DCAF1: variants seen among roughly 807,000 people sequenced by gnomAD.
The protein encoded by DCAF1 is DDB1 and CUL4 associated factor 1.
A neutral mutation model predicts 128.0 loss-of-function variants in DCAF1; 15 were observed. That is an observed-to-expected ratio of 0.12 (90% CI 0.08 to 0.18). The LOEUF (loss-of-function observed/expected upper bound fraction) is 0.18, where lower values mean the gene tolerates loss of function less well. Among genes scored for constraint, DCAF1 ranks in the 10% least tolerant of loss-of-function variants. The pLI is 1.00. For synonymous variants in DCAF1, 610 were observed against 603.0 expected (o/e 1.01, Z -0.17); for missense variants, 988 against 1,649.5 (o/e 0.60, Z 6.95).
At chr3:51,472,387 T>C (rs1183608377) in intron 3 of DCAF1, among the ~76,000 whole-genome samples, 1 of 152,160 alleles carries the variant, frequency 6.6e-6, no homozygotes, top group African/African-American at 2.4e-5. Context: ...TTGTTTTTTT[T>C]CTTGTAGAGA....
chr3:51,404,863 G>C (rs1249253372), intron 23 of DCAF1, among the ~76,000 whole-genome samples: 1 of 152,108 alleles, frequency 6.6e-6, no homozygotes, highest in Non-Finnish European at 1.5e-5. Flanking sequence ...GCATTCACCC[G>C]CCTCAAAGGA....
At chr3:51,441,228 A>C (rs1055085030) in intron 8 of DCAF1, among the ~76,000 whole-genome samples, 157 bp from the exon 9 acceptor site, 1 of 152,204 alleles carries the variant, frequency 6.6e-6, no homozygotes, top group African/African-American at 2.4e-5. Flanking sequence ...AATAGACCAT[A>C]TCAGGAATGA....
At chr3:51,431,890 G>C (rs1700418299) in intron 10 of DCAF1, among the ~76,000 whole-genome samples, 1 of 151,926 alleles carries the variant, frequency 6.6e-6, no homozygotes, top group African/African-American at 2.4e-5. Context: ...AGGATGGCTT[G>C]AGCCCAGGAG....
chr3:51,500,737 G>A (rs1376782944), upstream of DCAF1, among the ~76,000 whole-genome samples: 1 of 151,340 alleles, frequency 6.6e-6, no homozygotes, highest in Non-Finnish European at 1.5e-5. Context: ...GTTTGGTAGA[G>A]ACATGGTTTT....
At chr3:51,475,597 T>C (rs556719499) in intron 3 of DCAF1, among the ~76,000 whole-genome samples, 226 of 151,402 alleles carry the variant, frequency 1.5e-3, no homozygotes, top group South Asian at 2.3e-3. Context: ...CGTGGTGGCT[T>C]ACGCCCGTAA....
chr3:51,448,296 G>A (rs1553640756), intron 6 of DCAF1, among the ~76,000 whole-genome samples: 2 of 152,012 alleles, frequency 1.3e-5, no homozygotes, highest in African/African-American at 4.8e-5. Context: ...AACTTCTTTT[G>A]TACTTTTCAT....
intron 24 of DCAF1, among the ~76,000 whole-genome samples, chr3:51,401,057 G>C (rs183841812): frequency 6.6e-6 from 1 of 150,716 alleles, no homozygotes; most frequent in Non-Finnish European, 1.5e-5. Flanking sequence ...GCATGAACCC[G>C]GGAGGCGGAG....
At chr3:51,486,780 C>A (rs1707006646) in intron 2 of DCAF1, among the ~76,000 whole-genome samples, 1 of 151,368 alleles carries the variant, frequency 6.6e-6, no homozygotes, top group Admixed American at 6.6e-5. Context: ...ACTACAGATA[C>A]ACGCCAGCAT....
intron 24 of DCAF1, among the ~76,000 whole-genome samples, chr3:51,399,787 C>A (rs17051783): frequency 0.074 from 11,273 of 152,148 alleles, 984 homozygotes; most frequent in East Asian, 0.33. Flanking sequence ...AACCATTTTA[C>A]CTAGGTCCCC....
At chr3:51,407,529 G>A (rs558422200) in intron 23 of DCAF1, among the ~76,000 whole-genome samples, 1 of 152,286 alleles carries the variant, frequency 6.6e-6, no homozygotes, top group Admixed American at 6.5e-5. Context: ...GGAAAACAGA[G>A]AGCATTATTC....
chr3:51,467,996 C>A (rs1450569129), intron 4 of DCAF1, among the ~76,000 whole-genome samples: 12 of 152,260 alleles, frequency 7.9e-5, no homozygotes, highest in African/African-American at 2.9e-4. Context: ...TAAGGACACC[C>A]TGGGTCAGGG....
intron 23 of DCAF1, 47 bp downstream of exon 23, chr3:51,412,332 C>G (rs765749287): frequency 1.2e-6 from 2 of 1,611,304 alleles, no homozygotes; most frequent in African/African-American, 2.7e-5. Context: ...AGAGCATAAC[C>G]TCTATTAAGC....
intron 2 of DCAF1, among the ~76,000 whole-genome samples, chr3:51,490,755 T>A (rs563745259): frequency 2.6e-5 from 4 of 151,694 alleles, no homozygotes; most frequent in Non-Finnish European, 5.9e-5. Context: ...TGAAACCCCA[T>A]CTCTACTAAA....
intron 7 of DCAF1, among the ~76,000 whole-genome samples, chr3:51,442,250 A>C (rs1312519977): frequency 2.0e-5 from 3 of 152,226 alleles, no homozygotes; most frequent in Admixed American, 2.0e-4. Context: ...AAAACCAAAC[A>C]TGAAAGTTTC....
intron 23 of DCAF1, among the ~76,000 whole-genome samples, chr3:51,407,041 A>T (rs1353343700): frequency 6.6e-6 from 1 of 152,040 alleles, no homozygotes; most frequent in Non-Finnish European, 1.5e-5. Flanking sequence ...TAAAATACAA[A>T]ATTAGTCGGG....
chr3:51,456,426 G>A (rs1702917474), intron 6 of DCAF1, among the ~76,000 whole-genome samples: 1 of 152,224 alleles, frequency 6.6e-6, no homozygotes, highest in South Asian at 2.1e-4. Flanking sequence ...AGCTCAAACT[G>A]GGTGGAACCC....
At chr3:51,435,283 C>T (rs1325340666) in intron 9 of DCAF1, among the ~76,000 whole-genome samples, 2 of 152,278 alleles carry the variant, frequency 1.3e-5, no homozygotes, top group East Asian at 1.9e-4. Context: ...GAAATTGCAA[C>T]TGAAAGCAAT....
intron 6 of DCAF1, among the ~76,000 whole-genome samples, chr3:51,455,770 G>T (rs1303802832): frequency 6.6e-6 from 1 of 151,964 alleles, no homozygotes; most frequent in Non-Finnish European, 1.5e-5. Flanking sequence ...GGTGGCACGA[G>T]CCTGTAGTCC....
At position 51,418,459 on chromosome 3, in the gene DCAF1, G is replaced by A. The variant is rs548517444; in HGVS notation, c.3435+219C>T. On this transcript the variant is annotated intron_variant, in intron 16 of 24. Transcript: ENST00000684031. ...ACAAAAATAGAATAGATAAAAGGGA[G>A]GGGGGAAAATGAGAAGATGTCAAAG... Among the ~76,000 whole-genome samples the A allele has an allele frequency of 5.3e-5, 8 of 152,290 alleles. 1 individual carries two copies. The highest frequency in any genetic ancestry group is 1.9e-4 in the African/African-American group (8 of 41,566).
Sources: gnomAD v4.1 joint callset for allele counts (sites outside exome capture counted in the v4.1 genomes callset) on GRCh38, gnomAD v4.1.1 for gene constraint, MANE v1.5 for transcripts, NCBI Gene and HGNC (gene_info 2026-07-23, HGNC 2026-07-21) for gene names.